Variants in EBF1 observed in about 807,000 individuals in gnomAD.
EBF1 encodes the protein EBF transcription factor 1.
EBF1 carries 10 observed loss-of-function variants against 68.4 expected under a neutral mutation model. The ratio of observed to expected loss-of-function variants is 0.15; its 90% CI spans 0.09 to 0.25. The LOEUF is 0.25. EBF1 is among the 10% of genes least tolerant of loss of function. The probability of loss-of-function intolerance (pLI) is 1.00; values close to 1 mark genes in which losing one functional copy is unlikely to be tolerated. For missense variants in EBF1, 509 were observed against 794.4 expected (o/e 0.64, Z 4.32); for synonymous variants, 298 against 299.8 (o/e 0.99, Z 0.06).
At chr5:158,959,078 C>A (rs1328886173) in intron 6 of EBF1, among the ~76,000 whole-genome samples, 1 of 152,088 alleles carries the variant, frequency 6.6e-6, no homozygotes, top group Non-Finnish European at 1.5e-5. Context: ...ATTTAAAGGA[C>A]TTCAGTGAAT....
At chr5:158,796,266 A>G (rs767217681) in intron 9 of EBF1, 79 bp downstream of exon 9, 18 of 1,438,020 alleles carry the variant, frequency 1.3e-5, no homozygotes, top group Non-Finnish European at 1.7e-5. Flanking sequence ...GAGTCTACAC[A>G]TTCTATTAGA....
intron 9 of EBF1, among the ~76,000 whole-genome samples, chr5:158,796,034 G>A (rs763929604): frequency 2.0e-5 from 3 of 152,038 alleles, no homozygotes; most frequent in Non-Finnish European, 4.4e-5. Flanking sequence ...TACATCTTGT[G>A]ACTTTGCATC....
chr5:159,017,592 G>C (rs1255029879), intron 6 of EBF1, among the ~76,000 whole-genome samples: 9 of 152,114 alleles, frequency 5.9e-5, no homozygotes, highest in Non-Finnish European at 1.0e-4. Context: ...AAAACTATTG[G>C]CTTGTTTAAT....
At chr5:159,095,137 A>G (rs2128004890) in intron 4 of EBF1, among the ~76,000 whole-genome samples, 1 of 152,278 alleles carries the variant, frequency 6.6e-6, no homozygotes, top group East Asian at 1.9e-4. Context: ...TTGAAAACAA[A>G]TCTGCAGAAT....
At chr5:159,080,713 G>A (rs957707665) in intron 5 of EBF1, among the ~76,000 whole-genome samples, 9 of 152,194 alleles carry the variant, frequency 5.9e-5, no homozygotes, top group African/African-American at 2.2e-4. Context: ...ATAAGCATTT[G>A]TGGTGATTAT....
chr5:158,824,905 G>A (rs1399450197), intron 7 of EBF1, among the ~76,000 whole-genome samples: 1 of 152,206 alleles, frequency 6.6e-6, no homozygotes, highest in Non-Finnish European at 1.5e-5. Flanking sequence ...TGCAGGCTAT[G>A]AACACATCAC....
chr5:159,040,762 G>T (rs1771037803), intron 6 of EBF1, among the ~76,000 whole-genome samples: 1 of 152,200 alleles, frequency 6.6e-6, no homozygotes, highest in African/African-American at 2.4e-5. Context: ...TGTGGCTGTT[G>T]CAGGTATATC....
At chr5:158,835,245 A>C (rs919869769) in intron 7 of EBF1, among the ~76,000 whole-genome samples, 1 of 152,216 alleles carries the variant, frequency 6.6e-6, no homozygotes, top group Admixed American at 6.5e-5. Flanking sequence ...ATTTCTTAGC[A>C]GACTACTCTG....
chr5:158,704,920 G>A (rs925936366), intron 15 of EBF1, among the ~76,000 whole-genome samples: 6 of 152,198 alleles, frequency 3.9e-5, no homozygotes, highest in East Asian at 1.9e-4. Context: ...TTCTCCATCC[G>A]TATGTCCATC....
At chr5:159,080,001 T>C (rs552964347) in intron 5 of EBF1, among the ~76,000 whole-genome samples, 40 of 152,298 alleles carry the variant, frequency 2.6e-4, no homozygotes, top group African/African-American at 9.4e-4. Flanking sequence ...AGCGTGATTA[T>C]TCCCCCCAAG....
chr5:158,726,811 T>C (rs1400026175), intron 11 of EBF1, among the ~76,000 whole-genome samples: 2 of 152,176 alleles, frequency 1.3e-5, no homozygotes, highest in Non-Finnish European at 2.9e-5. Flanking sequence ...CTACCGACCC[T>C]GAGGGCCTGA....
chr5:158,942,450 C>G (rs190326716), intron 6 of EBF1, among the ~76,000 whole-genome samples: 39 of 152,238 alleles, frequency 2.6e-4, no homozygotes, highest in African/African-American at 9.4e-4. Context: ...GTAGCTGGAA[C>G]CCCATAGGAA....
At chr5:158,744,424 G>T (rs927257539) in intron 10 of EBF1, among the ~76,000 whole-genome samples, 1 of 152,104 alleles carries the variant, frequency 6.6e-6, no homozygotes, top group Non-Finnish European at 1.5e-5. Context: ...ACCATCTAGT[G>T]CAGTCAAGCA....
At chr5:158,799,245 C>T (rs1780137584) in intron 8 of EBF1, among the ~76,000 whole-genome samples, 1 of 151,958 alleles carries the variant, frequency 6.6e-6, no homozygotes, top group Non-Finnish European at 1.5e-5. Context: ...CCAGGCAACA[C>T]AGTAAGACTC....
At chr5:158,742,015 G>A (rs1340134869) in intron 10 of EBF1, among the ~76,000 whole-genome samples, 2 of 152,166 alleles carry the variant, frequency 1.3e-5, no homozygotes, top group East Asian at 1.9e-4. Context: ...AATCCACCGA[G>A]CTAATGAAAG....
intron 6 of EBF1, among the ~76,000 whole-genome samples, chr5:159,006,242 A>G (rs759792154): frequency 2.0e-5 from 3 of 152,202 alleles, no homozygotes; most frequent in Non-Finnish European, 4.4e-5. Flanking sequence ...CTTCCAAAAG[A>G]TAACTGGGGC....
chr5:158,800,494 T>C (rs1187148104), intron 8 of EBF1, among the ~76,000 whole-genome samples: 2 of 152,186 alleles, frequency 1.3e-5, no homozygotes, highest in Non-Finnish European at 2.9e-5. Context: ...AGGTACTATG[T>C]AATAATAATT....
At chr5:159,092,141 C>T (rs2127998096) in intron 4 of EBF1, among the ~76,000 whole-genome samples, 1 of 152,266 alleles carries the variant, frequency 6.6e-6, no homozygotes, top group African/African-American at 2.4e-5. Flanking sequence ...TCAGACCTCC[C>T]CCACTGGATT....
chr5:158,796,513 C>T, intron 8 of EBF1, 38 bp from the exon 9 acceptor site: 1 of 1,573,070 alleles, frequency 6.4e-7, no homozygotes, highest in Non-Finnish European at 8.6e-7. Flanking sequence ...AAGGAGTCTG[C>T]TGTTAGAACC....
Sources: allele counts gnomAD v4.1 joint callset (sites outside exome capture counted in the v4.1 genomes callset), GRCh38; gene constraint gnomAD v4.1.1; transcripts MANE v1.5; gene names NCBI Gene and HGNC (gene_info 2026-07-23, HGNC 2026-07-21).